DPH6: variants seen among roughly 807,000 people sequenced by gnomAD.
DPH6 encodes diphthine--ammonia ligase.
DPH6 carries 33 observed loss-of-function variants against 38.2 expected under a neutral mutation model. That is an observed-to-expected ratio of 0.86 (90% CI 0.65 to 1.15). The LOEUF (loss-of-function observed/expected upper bound fraction) is 1.15. Ranked by LOEUF, DPH6 falls within the 50% of genes most tolerant of loss-of-function variation. The pLI, the probability that DPH6 is intolerant of heterozygous loss-of-function variation, is 0.00. For synonymous variants in DPH6, 108 were observed against 103.0 expected (o/e 1.05, Z -0.30); for missense variants, 325 against 320.0 (o/e 1.02, Z -0.12).
chr15:35,180,161 C>A, the DPH6 span, among the ~76,000 whole-genome samples: 3 of 151,478 alleles, frequency 2.0e-5, no homozygotes, highest in Non-Finnish European at 4.4e-5. Flanking sequence ...TAGATTTTTC[C>A]AAATTTCTGC....
chr15:35,377,741 A>C (rs1432370080), intron 7 of DPH6, among the ~76,000 whole-genome samples: 2 of 152,286 alleles, frequency 1.3e-5, no homozygotes, highest in South Asian at 2.1e-4. Context: ...AAATATAAAA[A>C]ATTATTTCCA....
rs917274458 is a variant in DPH6 at position 35,437,204 on chromosome 15, G to T, written c.505+13481C>A. Reference sequence around the variant, plus strand: ...ATTCACTAGGAAGAAAATGGAACCAGGAACGCCTCGCTCCCCTCTTTCTAG... The same window carrying T: ...ATTCACTAGGAAGAAAATGGAACCATGAACGCCTCGCTCCCCTCTTTCTAG... On this transcript the variant is annotated intron_variant, in intron 5 of 8. Coordinates refer to ENST00000256538, the MANE Select transcript of DPH6 (RefSeq NM_080650.4). Among the ~76,000 whole-genome samples, 7 of 152,192 alleles carry T rather than the reference G, an allele frequency of 4.6e-5. No individual in the cohort carries two copies. In the Middle Eastern group the frequency reaches 0.01, roughly 223 times the overall value.
the DPH6 span, among the ~76,000 whole-genome samples, chr15:35,159,273 C>A: frequency 6.6e-6 from 1 of 152,076 alleles, no homozygotes; most frequent in Non-Finnish European, 1.5e-5. Context: ...CCATGTAAGA[C>A]CAACTCCTCT....
chr15:35,145,240 C>A, the DPH6 span, among the ~76,000 whole-genome samples: 1 of 152,166 alleles, frequency 6.6e-6, no homozygotes, highest in Admixed American at 6.5e-5. Context: ...TCTTTCTAGT[C>A]TTTTGTGTGC....
intron 5 of DPH6, among the ~76,000 whole-genome samples, chr15:35,441,205 G>C (rs978405583): frequency 6.6e-6 from 1 of 152,184 alleles, no homozygotes; most frequent in African/African-American, 2.4e-5. Flanking sequence ...CTTTTACACT[G>C]TTGGTGGGAG....
At chr15:35,342,176 G>A (rs1474626513) in intron 3 of DPH6, among the ~76,000 whole-genome samples, 1 of 152,132 alleles carries the variant, frequency 6.6e-6, no homozygotes, top group Non-Finnish European at 1.5e-5. Flanking sequence ...TGTATGGATG[G>A]ATCTCTTGCT....
chr15:35,168,472 T>C, the DPH6 span, among the ~76,000 whole-genome samples: 1 of 151,996 alleles, frequency 6.6e-6, no homozygotes, highest in African/African-American at 2.4e-5. Context: ...TTAATGCCTA[T>C]TGCCTTTTCA....
chr15:35,219,389 C>A (rs933810003), exon 4 of DPH6: 2 of 152,046 alleles, frequency 1.3e-5, no homozygotes, highest in African/African-American at 4.8e-5. Context: ...TTGGCTCAGA[C>A]GATACTTTTG....
intron 5 of DPH6, among the ~76,000 whole-genome samples, chr15:35,448,984 A>ATTTT (rs372406775): frequency 0.44 from 60,195 of 136,190 alleles, 14,535 homozygotes; most frequent in East Asian, 0.69. Context: ...TTATTGTCTC[A>ATTTT]TTTTTTTTTT....
chr15:35,423,818 T>G (rs2141018241), intron 5 of DPH6, among the ~76,000 whole-genome samples: 1 of 151,890 alleles, frequency 6.6e-6, no homozygotes, highest in Admixed American at 6.6e-5. Flanking sequence ...CACCATTTAT[T>G]GAAAAGACTA....
At chr15:35,494,657 T>G (rs1370338103) in intron 3 of DPH6, among the ~76,000 whole-genome samples, 1 of 152,096 alleles carries the variant, frequency 6.6e-6, no homozygotes, top group Admixed American at 6.6e-5. Flanking sequence ...ATTGAACAAT[T>G]GTTCAATATG....
At chr15:35,338,228 A>G (rs1024162297) in intron 3 of DPH6, among the ~76,000 whole-genome samples, 34 of 152,136 alleles carry the variant, frequency 2.2e-4, no homozygotes, top group Non-Finnish European at 4.3e-4. Flanking sequence ...AGAAACTACC[A>G]TCAGAGTGAA....
At chr15:35,180,679 T>G in the DPH6 span, among the ~76,000 whole-genome samples, 30 of 151,984 alleles carry the variant, frequency 2.0e-4, no homozygotes, top group Non-Finnish European at 4.1e-4. Flanking sequence ...AGGGATCTTA[T>G]CATGTTGCCC....
At chr15:35,528,279 G>A (rs1305780785) in intron 3 of DPH6, among the ~76,000 whole-genome samples, 1 of 152,078 alleles carries the variant, frequency 6.6e-6, no homozygotes, top group Non-Finnish European at 1.5e-5. Flanking sequence ...ATATTGATAT[G>A]AAGCATCTTC....
intron 5 of DPH6, among the ~76,000 whole-genome samples, chr15:35,420,878 A>G (rs1224694566): frequency 6.6e-6 from 1 of 152,198 alleles, no homozygotes; most frequent in Admixed American, 6.5e-5. Context: ...TAAGAAAAAC[A>G]GGGGCAGGAC....
chr15:35,401,617 C>A, intron 6 of DPH6: 1 of 760,106 alleles, frequency 1.3e-6, no homozygotes, highest in Non-Finnish European at 2.4e-6. Context: ...CAATCATCTT[C>A]GAATTTTGGA....
chr15:35,429,090 T>G (rs971486037), intron 5 of DPH6, among the ~76,000 whole-genome samples: 9 of 152,170 alleles, frequency 5.9e-5, no homozygotes, highest in Admixed American at 2.6e-4. Flanking sequence ...GCCTTTTCCT[T>G]AAATTACTAC....
rs1363759061 is a variant in DPH6, at chr15:35,239,819, C to T, written n.201-19237G>A. On this transcript the variant is annotated intron_variant and non_coding_transcript_variant, in intron 3 of 3. Coordinates refer to the DPH6 transcript ENST00000560386. ...AGAACCCCCCAATCGCTTATTTCCA[C>T]ACCCCAACCTCTTATCTCTGTGCCC... is the stretch of plus-strand genomic sequence containing the variant. Among the ~76,000 whole-genome samples the T allele has an allele frequency of 1.2e-4, 17 of 142,340 alleles. 1 individual carries two copies. Among genetic ancestry groups the T allele is most frequent in the African/African-American group, 4.3e-4 (17 of 39,400 alleles). The allele number at this position is 142,340 out of a possible 152,430, so 93.4% of individuals were successfully genotyped here.
chr15:35,207,473 A>G, the DPH6 span, among the ~76,000 whole-genome samples: 88 of 152,318 alleles, frequency 5.8e-4, no homozygotes, highest in African/African-American at 1.9e-3. Context: ...TCCTGGAAAG[A>G]GTATAATGGC....
Sources: allele counts gnomAD v4.1 joint callset (sites outside exome capture counted in the v4.1 genomes callset), GRCh38; gene constraint gnomAD v4.1.1; transcripts MANE v1.5; gene names NCBI Gene and HGNC (gene_info 2026-07-23, HGNC 2026-07-21).